The following TMOD1 variants were observed in gnomAD, a reference collection of about 807,000 sequenced individuals.
TMOD1 encodes tropomodulin 1, also known as tropomodulin-1.
A neutral mutation model predicts 40.6 loss-of-function variants in TMOD1; 17 were observed. The ratio of observed to expected loss-of-function variants is 0.42; its 90% CI spans 0.29 to 0.63. The LOEUF (loss-of-function observed/expected upper bound fraction) is 0.63, where lower values mean the gene tolerates loss of function less well. Ranked by LOEUF, TMOD1 falls within the 20% of genes least tolerant of loss-of-function variation. TMOD1 has a pLI of 0.22. For synonymous variants in TMOD1, 181 were observed against 175.0 expected, an observed-to-expected ratio of 1.03 and a Z score of -0.27; for missense variants, 391 against 447.6, an observed-to-expected ratio of 0.87 and a Z score of 1.14.
intron 2 of TMOD1, among the ~76,000 whole-genome samples, chr9:97,527,863 C>T (rs1830041449): frequency 6.6e-6 from 1 of 152,150 alleles, no homozygotes; most frequent in Non-Finnish European, 1.5e-5. Flanking sequence ...CCCTGCAGGC[C>T]TTTTGGGCTG....
chr9:97,597,824 C>G (rs1164024189), intron 9 of TMOD1, among the ~76,000 whole-genome samples: 4 of 152,080 alleles, frequency 2.6e-5, no homozygotes, highest in Non-Finnish European at 5.9e-5. Flanking sequence ...CCATAGGGTC[C>G]TTTCTGTTCC....
At chr9:97,560,573 G>A (rs1181195598) in intron 4 of TMOD1, among the ~76,000 whole-genome samples, 1 of 151,818 alleles carries the variant, frequency 6.6e-6, no homozygotes, top group Non-Finnish European at 1.5e-5. Flanking sequence ...AAGAAGTCAG[G>A]AGTTCAAGAC....
intron 1 of TMOD1, chr9:97,516,408 C>A (rs983623006): frequency 6.5e-6 from 1 of 152,754 alleles, no homozygotes; most frequent in Non-Finnish European, 1.5e-5. Flanking sequence ...CCAGGGGTGC[C>A]GGGAGCCTGT....
chr9:97,524,872 CA>C (rs34038063), intron 2 of TMOD1, among the ~76,000 whole-genome samples: 95,663 of 151,440 alleles, frequency 0.63, 30,417 homozygotes, highest in Middle Eastern at 0.69. Flanking sequence ...ACCGCCATAT[CA>C]GGGGGAATAA....
intron 6 of TMOD1, 148 bp from the exon 7 acceptor site, chr9:97,565,700 G>T (rs973948053): frequency 7.9e-6 from 5 of 633,232 alleles, no homozygotes; most frequent in Non-Finnish European, 1.4e-5. Flanking sequence ...GATTTCAGTC[G>T]TCCGGGACAA....
chr9:97,596,786 C>T (rs1826122094), intron 9 of TMOD1, among the ~76,000 whole-genome samples: 1 of 152,224 alleles, frequency 6.6e-6, no homozygotes, highest in South Asian at 2.1e-4. Context: ...ATGCCCCCCA[C>T]CTTCCCATCC....
In TMOD1 at chr9:97,546,357, A is replaced by G. The variant is rs2131247377; in HGVS notation, c.277+16A>G. On this transcript the variant is annotated intron_variant, in intron 3 of 9. Coordinates refer to ENST00000259365, the MANE Select transcript of TMOD1 (RefSeq NM_003275.4). ...GAAAAACGAGGTACTGAACAATGTT[A>G]CTGTTATAATATGCCACTCCCCATG... The G allele has an allele frequency of 6.2e-7, 1 of 1,610,542 alleles. No individual in the cohort carries two copies. The highest frequency in any genetic ancestry group is 1.1e-5 in the South Asian group (1 of 90,496).
chr9:97,518,564 G>T (rs1829863557), intron 1 of TMOD1, among the ~76,000 whole-genome samples: 1 of 152,208 alleles, frequency 6.6e-6, no homozygotes, highest in South Asian at 2.1e-4. Context: ...TTTGTCTTGG[G>T]CCACCTTGGG....
chr9:97,530,387 T>C (rs1830079005), intron 2 of TMOD1, among the ~76,000 whole-genome samples: 1 of 152,134 alleles, frequency 6.6e-6, no homozygotes, highest in Non-Finnish European at 1.5e-5. Flanking sequence ...TAAAGTCAGC[T>C]GTCAGGAATC....
chr9:97,591,365 C>T lies in TMOD1; in HGVS notation c.945C>T (p.Phe315=), dbSNP rs79798325. The T allele has an allele frequency of 1.6e-3, 2,562 of 1,614,174 alleles. 30 individuals are homozygous for T. The African/African-American group carries it at 0.028, about 18-fold the overall frequency. ...AAAAAAACGCAACACTTCTCAAATT[C>T]GGCTACCACTTTACCCAGCAAGGAC... The part of the protein sequence containing the change: ...MLEKNATLLK[F]GYHFTQQGPR... The change falls in exon 9 of 10, where the codon TTC becomes TTT. Residue 315 remains phenylalanine, a synonymous_variant. Coordinates refer to ENST00000259365, the MANE Select transcript of TMOD1 (RefSeq NM_003275.4).
At chr9:97,547,261 T>C (rs1830379380) in intron 3 of TMOD1, among the ~76,000 whole-genome samples, 1 of 151,658 alleles carries the variant, frequency 6.6e-6, no homozygotes, top group African/African-American at 2.4e-5. Flanking sequence ...CTCCTTCTGC[T>C]GTTCTCAAAC....
At chr9:97,525,696 C>T (rs780732227) in intron 2 of TMOD1, among the ~76,000 whole-genome samples, 11 of 152,220 alleles carry the variant, frequency 7.2e-5, no homozygotes, top group Admixed American at 2.6e-4. Flanking sequence ...TTTCTTACCT[C>T]CCTTGTGCAA....
chr9:97,582,608 G>C (rs576837875), intron 8 of TMOD1, among the ~76,000 whole-genome samples: 26 of 114,472 alleles, frequency 2.3e-4, no homozygotes, highest in South Asian at 9.6e-4. Context: ...CCATTTTCAC[G>C]ATATTGATTC....
intron 4 of TMOD1, among the ~76,000 whole-genome samples, chr9:97,559,655 C>T (rs1243819465): frequency 6.7e-6 from 1 of 150,196 alleles, no homozygotes; most frequent in African/African-American, 2.5e-5. Context: ...ATCCCAGCTA[C>T]TTGGGAGGCT....
rs1259032961 is a variant in TMOD1 at position 97,596,307 on chromosome 9, C to T, written c.1016-3327C>T. 3.3e-5 allele frequency among the ~76,000 whole-genome samples: 5 copies of T among 152,090 alleles called. 1 individual carries two copies. In the East Asian group the frequency reaches 5.8e-4, roughly 18 times the overall value. Reference sequence around the variant, plus strand: ...CTGGCACTCATCCCAAGTCTCCTTCCGAAGCTTGCCTTGTCACCCCTCCAC... The same window carrying T: ...CTGGCACTCATCCCAAGTCTCCTTCTGAAGCTTGCCTTGTCACCCCTCCAC... On this transcript the variant is annotated intron_variant, in intron 9 of 9. Transcript: ENST00000259365.
chr9:97,567,816 G>A (rs1329842166), intron 7 of TMOD1, among the ~76,000 whole-genome samples: 1 of 152,104 alleles, frequency 6.6e-6, no homozygotes, highest in Non-Finnish European at 1.5e-5. Flanking sequence ...AGGGCTTCCT[G>A]GGAGCTAGCC....
chr9:97,601,190 C>G lies in TMOD1; in HGVS notation c.*1492C>G. 1 of 1,297,512 alleles carries G rather than the reference C, an allele frequency of 7.7e-7. No homozygotes were observed. The highest frequency in any genetic ancestry group is 1.0e-6 in the Non-Finnish European group (1 of 985,112). The allele number at this position is 1,297,512 out of a possible 1,614,324, so 80.4% of individuals were successfully genotyped here. A position where few individuals can be genotyped will look rare whatever the true frequency, so the allele number is the denominator to read the frequency against. On this transcript the variant is annotated 3_prime_UTR_variant, in exon 10 of 10. Transcript: ENST00000259365. ...CCCCATTTGGCTTCTCCTTAAAACA[C>G]AATTGCAGCTGCATTCTGCATCGCT...
chr9:97,549,246 G>A (rs367599640), intron 3 of TMOD1, among the ~76,000 whole-genome samples: 8 of 152,100 alleles, frequency 5.3e-5, no homozygotes, highest in African/African-American at 9.7e-5. Context: ...CCTTAGCATC[G>A]TGGATCACAA....
intron 3 of TMOD1, among the ~76,000 whole-genome samples, chr9:97,552,510 C>T (rs1830470070): frequency 2.0e-5 from 3 of 152,196 alleles, no homozygotes; most frequent in South Asian, 4.1e-4. Context: ...CACTGCTGTC[C>T]CCTAGCCCCC....
Sources: allele counts gnomAD v4.1 joint callset (sites outside exome capture counted in the v4.1 genomes callset), GRCh38; gene constraint gnomAD v4.1.1; transcripts MANE v1.5; gene names NCBI Gene and HGNC (gene_info 2026-07-23, HGNC 2026-07-21).